Variants in ZNF843 observed in about 807,000 individuals in gnomAD.
ZNF843 encodes zinc finger protein 843.
For synonymous variants in ZNF843, 185 were observed against 207.7 expected, an observed-to-expected ratio of 0.89 and a Z score of 0.94; for missense variants, 482 against 469.4, an observed-to-expected ratio of 1.03 and a Z score of -0.25.
chr16:31,435,976 C>A lies in ZNF843; in HGVS notation c.874G>T (p.Ala292Ser). ...AVQAPGYPEP[A>S]RKASQHRAAG... ...GCTCTGTGCTGCGAGGCCTTCCGGG[C>A]TGGCTCAGGGTAGCCTGGGGCCTGA... The change falls in exon 2 of 2, where the codon GCC becomes TCC. Residue 292 changes from alanine to serine, a missense_variant. Physicochemically the swap from Ala to Ser is moderately conservative, Grantham distance 99. Transcript: ENST00000315678. 1.3e-6 allele frequency: 2 copies of A among 1,525,594 alleles called. No individual in the cohort carries two copies. The highest frequency in any genetic ancestry group is 1.2e-5 in the South Asian group (1 of 80,546). 94.5% of individuals were successfully genotyped at this position (1,525,594 alleles called of 1,614,324 possible).
Position 31,435,738 on chromosome 16 carries a change from A to T in ZNF843, c.*65T>A. Reference sequence around the variant, plus strand: ...GGTCTGTGTGGAGGGAGGGGACTGCATCTCAGATCCACAGTCCACCGGCGG... The same window carrying T: ...GGTCTGTGTGGAGGGAGGGGACTGCTTCTCAGATCCACAGTCCACCGGCGG... On this transcript the variant is annotated 3_prime_UTR_variant, in exon 2 of 2. Coordinates refer to ENST00000315678, the MANE Select transcript of ZNF843 (RefSeq NM_001136509.3). 1 of 1,399,612 alleles carries T rather than the reference A, an allele frequency of 7.1e-7. No homozygotes were observed. Among genetic ancestry groups the T allele is most frequent in the Admixed American group, 3.1e-5 (1 of 32,394 alleles). The allele number at this position is 1,399,612 out of a possible 1,614,324, so 86.7% of individuals were successfully genotyped here.
In ZNF843 at chr16:31,437,366, C is replaced by T. The variant is rs920432208; in HGVS notation, c.-335-182G>A. 1.1e-4 allele frequency among the ~76,000 whole-genome samples: 14 copies of T among 133,232 alleles called. No individual in the cohort carries two copies. The Middle Eastern group carries it at 0.015, about 144-fold the overall frequency. The allele number at this position is 133,232 out of a possible 152,430, so 87.4% of individuals were successfully genotyped here. A position where few individuals can be genotyped will look rare whatever the true frequency, so the allele number is the denominator to read the frequency against. ...TTGCCCAGGCTGGAATGCAGTAGTA[C>T]GATCTCTGATCACTGCAACCTTTGC... On this transcript the variant is annotated intron_variant, in intron 1 of 1. Coordinates refer to ENST00000315678, the MANE Select transcript of ZNF843 (RefSeq NM_001136509.3).
Position 31,435,537 on chromosome 16 carries a change from A to C in ZNF843, c.*266T>G, listed in dbSNP as rs1597179229. On this transcript the variant is annotated 3_prime_UTR_variant, in exon 2 of 2. Coordinates refer to ENST00000315678, the MANE Select transcript of ZNF843 (RefSeq NM_001136509.3). ...TTCTTCGGGCTCACGCGATCCTCCC[A>C]CCTCGGTCTCTTAAAGCGCTGGGAT... The C allele has an allele frequency of 9.2e-6, 3 of 326,928 alleles. No homozygotes were observed. The highest frequency in any genetic ancestry group is 5.5e-6 in the Non-Finnish European group (1 of 180,954). The allele number at this position is 326,928 out of a possible 1,614,324, so 20.3% of individuals were successfully genotyped here.
intron 1 of ZNF843, among the ~76,000 whole-genome samples, chr16:31,437,497 G>A (rs2082187645): frequency 6.7e-6 from 1 of 148,746 alleles, no homozygotes; most frequent in East Asian, 2.0e-4. Flanking sequence ...GTAGAAGCTG[G>A]TTTTTATCAT....
Position 31,436,227 on chromosome 16 carries a change from T to A in ZNF843, c.623A>T (p.His208Leu). The A allele has an allele frequency of 3.9e-6, 6 of 1,540,296 alleles. No homozygotes were observed. Among genetic ancestry groups the A allele is most frequent in the Non-Finnish European group, 5.3e-6 (6 of 1,141,134 alleles). ...PCGSPGSFLQ[H>L]LPPSTLLPRP... ...GGGCAGGAGTGTGGATGGGGGCAGATGTTGAAGGAAGGACCCGGGGCTCCC... is the reference window on the plus strand; with the variant it reads ...GGGCAGGAGTGTGGATGGGGGCAGAAGTTGAAGGAAGGACCCGGGGCTCCC... Residue 208 changes from histidine (H) to leucine (L), a missense_variant, in exon 2 of 2, where the codon CAT (histidine) becomes CTT (leucine). Physicochemically the swap from His to Leu is moderately conservative, Grantham distance 99. Transcript: ENST00000315678.
At chr16:31,441,702 C>G (rs2082201672) in intron 1 of ZNF843, among the ~76,000 whole-genome samples, 1 of 151,878 alleles carries the variant, frequency 6.6e-6, no homozygotes, top group African/African-American at 2.4e-5. Context: ...GCCTACGCTA[C>G]TCTCCAACTC....
rs2082175610 is a variant in ZNF843 at position 31,435,612 on chromosome 16, G to A, written c.*191C>T. 3.7e-6 allele frequency: 2 copies of A among 540,220 alleles called. No individual in the cohort carries two copies. 33.5% of individuals were successfully genotyped at this position (540,220 alleles called of 1,614,324 possible). A position where few individuals can be genotyped will look rare whatever the true frequency, so the allele number is the denominator to read the frequency against. ...GCCGCACCTGCCTAAATCCCTTAAT[G>A]TATAAGGGAAAGGAGCGAGAATTCA... is the stretch of plus-strand genomic sequence containing the variant. On this transcript the variant is annotated 3_prime_UTR_variant, in exon 2 of 2. Coordinates refer to ENST00000315678, the MANE Select transcript of ZNF843 (RefSeq NM_001136509.3).
At chr16:31,438,916 C>A (rs948761188) in intron 1 of ZNF843, among the ~76,000 whole-genome samples, 5 of 149,448 alleles carry the variant, frequency 3.3e-5, no homozygotes, top group Non-Finnish European at 4.4e-5. Context: ...AAAATAAACA[C>A]CGCATGTTCC....
At chr16:31,438,958 A>C (rs1276127567) in intron 1 of ZNF843, among the ~76,000 whole-genome samples, 3 of 137,200 alleles carry the variant, frequency 2.2e-5, no homozygotes, top group African/African-American at 5.4e-5. Context: ...CAATGAGAAC[A>C]CATGGACACA....
chr16:31,436,905 C>A lies in ZNF843; in HGVS notation c.-56G>T. 7.0e-7 allele frequency: 1 copy of A among 1,437,452 alleles called. No homozygotes were observed. Among genetic ancestry groups the A allele is most frequent in the Non-Finnish European group, 9.3e-7 (1 of 1,081,054 alleles). The allele number at this position is 1,437,452 out of a possible 1,614,324, so 89.0% of individuals were successfully genotyped here. Reference sequence around the variant, plus strand: ...AGTAACTGTACGGGAGGCTTTGCCGCACTTGGCGCAGCTGTGGGGCCTCTG... The same window carrying A: ...AGTAACTGTACGGGAGGCTTTGCCGAACTTGGCGCAGCTGTGGGGCCTCTG... On this transcript the variant is annotated 5_prime_UTR_variant, in exon 2 of 2. Coordinates refer to ENST00000315678, the MANE Select transcript of ZNF843 (RefSeq NM_001136509.3).
In ZNF843 at chr16:31,436,382, C is replaced by T. The variant is rs1225857533; in HGVS notation, c.468G>A (p.Glu156=). Residue 156 remains glutamate, a synonymous_variant, in exon 2 of 2, where the codon GAG becomes GAA. Coordinates refer to ENST00000315678, the MANE Select transcript of ZNF843 (RefSeq NM_001136509.3). ...GGACGCGCTGGGAGAGGGAGGTCTT[C>T]TCATTGACACTGTCACCGCAGCTGC... ...CCCSCGDSVN[E]KTSLSQRVLP... The T allele has an allele frequency of 2.6e-6, 4 of 1,548,920 alleles. No homozygotes were observed. Among genetic ancestry groups the T allele is most frequent in the Non-Finnish European group, 3.5e-6 (4 of 1,145,276 alleles).
At position 31,442,729 on chromosome 16, in the gene ZNF843, A is replaced by T. The variant is rs945522083; in HGVS notation, c.-429T>A. 1 of 152,092 alleles carries T rather than the reference A, an allele frequency of 6.6e-6. No individual in the cohort carries two copies. Among genetic ancestry groups the T allele is most frequent in the Non-Finnish European group, 1.5e-5 (1 of 68,028 alleles). The allele number at this position is 152,092 out of a possible 1,614,324, so 9.4% of individuals were successfully genotyped here. A position where few individuals can be genotyped will look rare whatever the true frequency, so the allele number is the denominator to read the frequency against. On this transcript the variant is annotated 5_prime_UTR_variant, in exon 1 of 2. Coordinates refer to ENST00000315678, the MANE Select transcript of ZNF843 (RefSeq NM_001136509.3). ...CTGCCCCGCGAGCCGCCCCCGAGAG[A>T]CACGGCGGATCGGAACCCAGCCGGG...
chr16:31,440,183 C>T (rs964173456), intron 1 of ZNF843, among the ~76,000 whole-genome samples: 2 of 152,164 alleles, frequency 1.3e-5, no homozygotes, highest in African/African-American at 4.8e-5. Flanking sequence ...GCCATATATA[C>T]GGTAAAAAAA....
intron 1 of ZNF843, among the ~76,000 whole-genome samples, chr16:31,440,527 AC>A (rs1292211497): frequency 1.3e-5 from 2 of 152,184 alleles, no homozygotes; most frequent in Admixed American, 1.3e-4. Flanking sequence ...TGTTTGAAAT[AC>A]CATATTATAT....
At chr16:31,439,309 TG>T (rs1393586051) in intron 1 of ZNF843, among the ~76,000 whole-genome samples, 1 of 152,198 alleles carries the variant, frequency 6.6e-6, no homozygotes, top group Non-Finnish European at 1.5e-5. Flanking sequence ...AAATATAAAA[TG>T]GCCTGGGCAT....
intron 1 of ZNF843, among the ~76,000 whole-genome samples, chr16:31,441,660 T>TA (rs1242325729): frequency 1.3e-5 from 2 of 151,592 alleles, no homozygotes; most frequent in African/African-American, 4.9e-5. Flanking sequence ...TTTTTTTTTT[T>TA]AAATAATTAG....
upstream of ZNF843, chr16:31,442,922 C>T (rs1187479917): frequency 6.6e-6 from 1 of 152,436 alleles, no homozygotes; most frequent in Non-Finnish European, 1.5e-5. Flanking sequence ...TCCCTAACCT[C>T]AGTCATAGGG....
chr16:31,439,428 C>A (rs1597181346), intron 1 of ZNF843, among the ~76,000 whole-genome samples: 2 of 152,324 alleles, frequency 1.3e-5, no homozygotes, highest in East Asian at 1.9e-4. Flanking sequence ...TATGTCCACA[C>A]AAAGACTTTT....
chr16:31,440,207 G>T (rs2082196588), intron 1 of ZNF843, among the ~76,000 whole-genome samples: 1 of 152,120 alleles, frequency 6.6e-6, no homozygotes, highest in Non-Finnish European at 1.5e-5. Flanking sequence ...TTGGCTCCAG[G>T]GAGCTTCCTC....
Sources: gnomAD v4.1 joint callset for allele counts (sites outside exome capture counted in the v4.1 genomes callset) on GRCh38, gnomAD v4.1.1 for gene constraint, MANE v1.5 for transcripts, NCBI Gene and HGNC (gene_info 2026-07-23, HGNC 2026-07-21) for gene names.